SESTD1: variants seen among roughly 807,000 people sequenced by gnomAD.
SESTD1 encodes the protein SEC14 and spectrin domain containing 1, also known as SEC14 domain and spectrin repeat-containing protein 1.
In SESTD1, 43 loss-of-function variants were observed where a neutral mutation model predicts 101.7. That is an observed-to-expected ratio of 0.42 (90% CI 0.33 to 0.55). The LOEUF (loss-of-function observed/expected upper bound fraction) is 0.55. Among genes scored for constraint, SESTD1 ranks in the 20% least tolerant of loss-of-function variants. The pLI, the probability that SESTD1 is intolerant of heterozygous loss-of-function variation, is 0.07. For missense variants in SESTD1, 647 were observed against 815.1 expected (o/e 0.79, Z 2.51); for synonymous variants, 283 against 286.8 (o/e 0.99, Z 0.13).
chr2:179,197,175 G>A (rs2046412990), intron 1 of SESTD1, among the ~76,000 whole-genome samples: 1 of 152,058 alleles, frequency 6.6e-6, no homozygotes, highest in African/African-American at 2.4e-5. Context: ...GAAGCCTCAG[G>A]AGCCGATGCA....
chr2:179,261,772 A>C (rs1183655913), intron 1 of SESTD1, among the ~76,000 whole-genome samples: 3 of 152,138 alleles, frequency 2.0e-5, no homozygotes, highest in African/African-American at 7.2e-5. Flanking sequence ...ACATTGCTAG[A>C]AGGAATGTAA....
chr2:179,156,328 C>A (rs904261860), intron 5 of SESTD1, among the ~76,000 whole-genome samples: 2 of 151,966 alleles, frequency 1.3e-5, no homozygotes, highest in African/African-American at 4.8e-5. Flanking sequence ...ATAATGACTT[C>A]TTTTCTTCTG....
chr2:179,149,263 G>C (rs1272463612), intron 7 of SESTD1, 34 bp downstream of exon 7: 2 of 1,423,528 alleles, frequency 1.4e-6, no homozygotes, highest in African/African-American at 2.9e-5. Flanking sequence ...TTATAGTTTT[G>C]CAAGGATATA....
At chr2:179,210,689 T>C (rs1245329667) in intron 1 of SESTD1, among the ~76,000 whole-genome samples, 1 of 134,430 alleles carries the variant, frequency 7.4e-6, no homozygotes, top group Non-Finnish European at 1.6e-5. Flanking sequence ...TATCTTAAGG[T>C]AATAAAAGCC....
chr2:179,242,888 T>G (rs1445801317), intron 1 of SESTD1, among the ~76,000 whole-genome samples: 1 of 152,190 alleles, frequency 6.6e-6, no homozygotes, highest in Admixed American at 6.5e-5. Flanking sequence ...GACATCAGCC[T>G]TGGCAAACAA....
At chr2:179,246,197 G>C (rs2047227758) in intron 1 of SESTD1, among the ~76,000 whole-genome samples, 1 of 138,588 alleles carries the variant, frequency 7.2e-6, no homozygotes. Context: ...AGAGGTTGCA[G>C]TGAGCCAAGA....
chr2:179,141,908 T>C (rs532421919), intron 9 of SESTD1, among the ~76,000 whole-genome samples: 2 of 152,230 alleles, frequency 1.3e-5, no homozygotes, highest in Non-Finnish European at 2.9e-5. Flanking sequence ...AATTAACGTA[T>C]GCTCAGAAAT....
chr2:179,158,152 A>G (rs1235460316), intron 5 of SESTD1, among the ~76,000 whole-genome samples: 1 of 152,152 alleles, frequency 6.6e-6, no homozygotes, highest in Non-Finnish European at 1.5e-5. Flanking sequence ...ATCTAAAGGA[A>G]TTCACCACTC....
intron 13 of SESTD1, 89 bp downstream of exon 13, chr2:179,121,681 G>A (rs1008513258): frequency 3.0e-5 from 35 of 1,151,284 alleles, no homozygotes; most frequent in African/African-American, 1.1e-4. Flanking sequence ...AGTTAAGAAC[G>A]TTTTGTCTGT....
At chr2:179,162,796 C>T (rs540790851) in intron 5 of SESTD1, among the ~76,000 whole-genome samples, 1 of 147,016 alleles carries the variant, frequency 6.8e-6, no homozygotes, top group East Asian at 2.0e-4. Flanking sequence ...ATCAGCCTGG[C>T]CAACATGGTG....
intron 1 of SESTD1, among the ~76,000 whole-genome samples, chr2:179,245,195 A>C (rs561816084): frequency 6.6e-6 from 1 of 152,214 alleles, no homozygotes; most frequent in African/African-American, 2.4e-5. Flanking sequence ...ACATAGCAAG[A>C]CCCTGTCTCT....
intron 1 of SESTD1, among the ~76,000 whole-genome samples, chr2:179,198,621 C>A (rs1199673964): frequency 6.6e-6 from 1 of 151,740 alleles, no homozygotes; most frequent in Non-Finnish European, 1.5e-5. Context: ...GACCACAGTG[C>A]AATCAAACTA....
chr2:179,167,623 A>G (rs1358319047), intron 5 of SESTD1, among the ~76,000 whole-genome samples: 1 of 146,940 alleles, frequency 6.8e-6, no homozygotes, highest in Non-Finnish European at 1.5e-5. Flanking sequence ...AAAAATCTTG[A>G]AAGTGCCTGA....
rs1221159452 is a variant in SESTD1, at chr2:179,103,952, GATGA to G, written c.*5943_*5946del. Reference sequence around the variant, plus strand: ...AATGCATCAAATAATAATATGAAATGATGAATGGATATGTGACAAAGCAAGCATA... The same window carrying G: ...AATGCATCAAATAATAATATGAAATGATGGATATGTGACAAAGCAAGCATA... On this transcript the variant is annotated 3_prime_UTR_variant, in exon 18 of 18. Coordinates refer to ENST00000428443, the MANE Select transcript of SESTD1 (RefSeq NM_178123.5). 2 of 152,234 alleles carry G rather than the reference GATGA, an allele frequency of 1.3e-5. No homozygotes were observed. Among genetic ancestry groups the G allele is most frequent in the Non-Finnish European group, 2.9e-5 (2 of 68,002 alleles). The allele number at this position is 152,234 out of a possible 1,614,324, so 9.4% of individuals were successfully genotyped here.
Position 179,121,804 on chromosome 2 carries a change from C to A in SESTD1, c.1408G>T (p.Gly470Ter). Reference protein sequence around the residue: ...ENKENVDHIQGVMEDMQLRKQ... With the variant: ...ENKENVDHIQ Reference sequence around the variant, plus strand: ...CTAAGCTGCATATCTTCCATCACTCCTTGTATGTGGTCCACATTTTCTTTA... The same window carrying A: ...CTAAGCTGCATATCTTCCATCACTCATTGTATGTGGTCCACATTTTCTTTA... Residue 470 changes from glycine to a stop codon, truncating the protein, a stop_gained, in exon 13 of 18, where the codon GGA becomes TGA. Coordinates refer to ENST00000428443, the MANE Select transcript of SESTD1 (RefSeq NM_178123.5). LOFTEE classifies it high-confidence loss of function. 1 of 1,605,130 alleles carries A rather than the reference C, an allele frequency of 6.2e-7. No individual in the cohort carries two copies. Among genetic ancestry groups the A allele is most frequent in the East Asian group, 2.3e-5 (1 of 44,234 alleles).
chr2:179,231,347 A>G (rs2046984754), intron 1 of SESTD1, among the ~76,000 whole-genome samples: 1 of 152,122 alleles, frequency 6.6e-6, no homozygotes, highest in South Asian at 2.1e-4. Flanking sequence ...GAAAAATGTA[A>G]AATAAACTTT....
intron 1 of SESTD1, among the ~76,000 whole-genome samples, chr2:179,254,801 G>A (rs1475588514): frequency 6.6e-6 from 1 of 152,114 alleles, no homozygotes; most frequent in Non-Finnish European, 1.5e-5. Flanking sequence ...ACTTTATTGT[G>A]CTTTGCAGAT....
At chr2:179,256,790 C>G (rs966106519) in intron 1 of SESTD1, among the ~76,000 whole-genome samples, 4 of 135,424 alleles carry the variant, frequency 3.0e-5, no homozygotes, top group African/African-American at 1.2e-4. Context: ...CCAGCCTAGG[C>G]GACAGAGCGA....
At chr2:179,133,502 T>G (rs2045060863) in intron 9 of SESTD1, among the ~76,000 whole-genome samples, 1 of 152,212 alleles carries the variant, frequency 6.6e-6, no homozygotes, top group African/African-American at 2.4e-5. Flanking sequence ...ATATACACTC[T>G]GAAACTACAA....
Sources: gnomAD v4.1 joint callset for allele counts (sites outside exome capture counted in the v4.1 genomes callset) on GRCh38, gnomAD v4.1.1 for gene constraint, MANE v1.5 for transcripts, NCBI Gene and HGNC (gene_info 2026-07-23, HGNC 2026-07-21) for gene names.